RB1CC1: variants seen among roughly 807,000 people sequenced by gnomAD.
RB1CC1 encodes RB1 inducible coiled-coil 1.
Under a neutral mutation model 177.5 loss-of-function variants are expected in RB1CC1, and 46 were observed. That is an observed-to-expected ratio of 0.26 (90% CI 0.20 to 0.33). The LOEUF (loss-of-function observed/expected upper bound fraction) is 0.33. Ranked by LOEUF, RB1CC1 falls within the 10% of genes least tolerant of loss-of-function variation. The probability of loss-of-function intolerance (pLI) is 1.00; values close to 1 mark genes in which losing one functional copy is unlikely to be tolerated. For synonymous variants in RB1CC1, 666 were observed against 613.6 expected (o/e 1.09, Z -1.26); for missense variants, 1,703 against 1,816.3 (o/e 0.94, Z 1.13).
intron 8 of RB1CC1, among the ~76,000 whole-genome samples, chr8:52,666,225 G>A (rs966476612): frequency 6.6e-6 from 1 of 152,088 alleles, no homozygotes; most frequent in Non-Finnish European, 1.5e-5. Flanking sequence ...AGAATTATAA[G>A]AAACACCACC....
chr8:52,634,829 C>T, intron 20 of RB1CC1, 92 bp downstream of exon 20: 1 of 1,083,704 alleles, frequency 9.2e-7, no homozygotes, highest in Non-Finnish European at 1.3e-6. Context: ...TCAATCAAAG[C>T]ATACATCCTC....
chr8:52,679,922 C>A (rs1028662233), intron 5 of RB1CC1, among the ~76,000 whole-genome samples: 1 of 152,078 alleles, frequency 6.6e-6, no homozygotes, highest in African/African-American at 2.4e-5. Context: ...AAATTTTGTC[C>A]AAGGAGAAGG....
At chr8:52,634,456 G>A (rs1013851828) in intron 20 of RB1CC1, among the ~76,000 whole-genome samples, 2 of 151,864 alleles carry the variant, frequency 1.3e-5, no homozygotes, top group South Asian at 4.2e-4. Flanking sequence ...AACCCGGGAG[G>A]TGGAGGTTGC....
chr8:52,650,408 G>C (rs1850466660), intron 15 of RB1CC1, among the ~76,000 whole-genome samples: 1 of 152,134 alleles, frequency 6.6e-6, no homozygotes, highest in South Asian at 2.1e-4. Flanking sequence ...TGGGGGTCTT[G>C]GTAGACAACT....
chr8:52,698,986 C>T (rs958862676), intron 1 of RB1CC1, among the ~76,000 whole-genome samples: 2 of 151,906 alleles, frequency 1.3e-5, no homozygotes, highest in African/African-American at 4.8e-5. Context: ...CCAGCGCACC[C>T]GGCCTTCAAT....
chr8:52,657,421 A>C lies in RB1CC1; in HGVS notation c.2408T>G (p.Val803Gly). Reference protein sequence around the residue: ...SLNVQLERCRVVAQDSHFSIQ... With the variant: ...SLNVQLERCRGVAQDSHFSIQ... Reference sequence around the variant, plus strand: ...ACTGAAGTGAGAGTCTTGGGCAACAACTCTACATCTTTCCAACTGGACATT... The same window carrying C: ...ACTGAAGTGAGAGTCTTGGGCAACACCTCTACATCTTTCCAACTGGACATT... The change falls in exon 15 of 24, where the codon GTT (valine) becomes GGT (glycine). Residue 803 changes from valine (V) to glycine (G), a missense_variant. By Grantham distance (109) the Val-to-Gly change is moderately radical (BLOSUM62 -3). This residue lies in a region of RB1CC1 where 1,169 missense variants were observed against 1,184.7 expected (regional missense o/e 0.99). Transcript: ENST00000025008. 6.2e-7 allele frequency: 1 copy of C among 1,613,752 alleles called. No homozygotes were observed. Among genetic ancestry groups the C allele is most frequent in the South Asian group, 1.1e-5 (1 of 91,070 alleles).
At chr8:52,631,687 G>C (rs113705299) in intron 20 of RB1CC1, among the ~76,000 whole-genome samples, 208 of 152,246 alleles carry the variant, frequency 1.4e-3, no homozygotes, top group Non-Finnish European at 2.1e-3. Flanking sequence ...CTACCTTTAA[G>C]ATCCTGCCTT....
intron 8 of RB1CC1, among the ~76,000 whole-genome samples, chr8:52,663,307 T>C (rs1851786801): frequency 6.6e-6 from 1 of 151,936 alleles, no homozygotes; most frequent in Admixed American, 6.6e-5. Flanking sequence ...AGAGAATGAA[T>C]ATTCAGGGCT....
rs191041854 is a variant in RB1CC1 at position 52,689,942 on chromosome 8, A to G, written c.-166-2975T>C. 1.3e-4 allele frequency among the ~76,000 whole-genome samples: 20 copies of G among 152,302 alleles called. No individual in the cohort carries two copies. The East Asian group carries it at 3.1e-3, about 24-fold the overall frequency. On this transcript the variant is annotated intron_variant, in intron 1 of 23. Coordinates refer to ENST00000025008, the MANE Select transcript of RB1CC1 (RefSeq NM_014781.5). The stretch of plus-strand genomic sequence containing the variant: ...GCCAGACTCTTTCTCAAAAGAAAAA[A>G]AAAAGGCAGTATCTACAGCCAGGGA...
At chr8:52,681,164 G>C (rs1006822106) in intron 5 of RB1CC1, among the ~76,000 whole-genome samples, 5 of 150,624 alleles carry the variant, frequency 3.3e-5, no homozygotes, top group African/African-American at 1.2e-4. Context: ...GCTAATTTTT[G>C]CATTTTTTTT....
chr8:52,648,614 C>A (rs909793025), intron 15 of RB1CC1, among the ~76,000 whole-genome samples: 9 of 152,092 alleles, frequency 5.9e-5, no homozygotes, highest in Non-Finnish European at 1.3e-4. Context: ...TGTTCCGAGA[C>A]CCCCAGTGGA....
At chr8:52,659,329 A>AC (rs1391066786) in intron 12 of RB1CC1, among the ~76,000 whole-genome samples, 26 of 152,252 alleles carry the variant, frequency 1.7e-4, no homozygotes, top group East Asian at 7.7e-4. Flanking sequence ...TATAATATTT[A>AC]CCATGTTAAA....
intron 15 of RB1CC1, 148 bp from the exon 16 acceptor site, chr8:52,646,015 G>A: frequency 1.3e-6 from 1 of 773,792 alleles, no homozygotes; most frequent in South Asian, 1.9e-5. Context: ...AATCTAAAAA[G>A]TAAAGGGAAA....
rs57977265 is a variant in RB1CC1, at chr8:52,630,530, T to TAA, written c.4441-4_4441-3dup. 812 of 1,402,224 alleles carry TAA rather than the reference T, an allele frequency of 5.8e-4. No individual in the cohort carries two copies. The highest frequency in any genetic ancestry group is 2.2e-3 in the South Asian group (154 of 70,886). The allele number at this position is 1,402,224 out of a possible 1,614,324, so 86.9% of individuals were successfully genotyped here. ...TACTGAAGACATGCTCTGAGACATC[T>TAA]AAAAAAAAAAAAAAAGTTTATGAAC... On this transcript the variant is annotated splice_region_variant and splice_polypyrimidine_tract_variant and intron_variant, in intron 20 of 23. Coordinates refer to ENST00000025008, the MANE Select transcript of RB1CC1 (RefSeq NM_014781.5).
chr8:52,712,512 A>AAC (rs1554564097), intron 1 of RB1CC1, among the ~76,000 whole-genome samples: 1 of 151,784 alleles, frequency 6.6e-6, no homozygotes, highest in Non-Finnish European at 1.5e-5. Context: ...AAAAAAAAAA[A>AAC]AAAACTCAGG....
chr8:52,701,832 A>C (rs1856092658), intron 1 of RB1CC1, among the ~76,000 whole-genome samples: 1 of 149,462 alleles, frequency 6.7e-6, no homozygotes, highest in Non-Finnish European at 1.5e-5. Context: ...TTTGAGATGG[A>C]GTCTCACTCT....
At position 52,683,073 on chromosome 8, in the gene RB1CC1, T is replaced by C. The variant is rs1050988953; in HGVS notation, c.369+476A>G. 2.0e-4 allele frequency among the ~76,000 whole-genome samples: 31 copies of C among 152,240 alleles called. 1 individual carries two copies. The highest frequency in any genetic ancestry group is 1.6e-3 in the Admixed American group (24 of 15,294). On this transcript the variant is annotated intron_variant, in intron 5 of 23. Transcript: ENST00000025008. ...GTCAATGATATTACTAGAAGGTAAA[T>C]AGTAAATTAAAAAGGAAAATCAAAT...
intron 20 of RB1CC1, among the ~76,000 whole-genome samples, chr8:52,631,237 C>G (rs1022669614): frequency 2.0e-5 from 3 of 152,158 alleles, no homozygotes; most frequent in Admixed American, 6.5e-5. Flanking sequence ...TCCCAACGAA[C>G]AACAACAAAA....
chr8:52,631,717 C>T (rs553093148), intron 20 of RB1CC1, among the ~76,000 whole-genome samples: 14 of 152,296 alleles, frequency 9.2e-5, no homozygotes, highest in Non-Finnish European at 2.1e-4. Flanking sequence ...ATATGCTCGT[C>T]GGGAAAATTC....
Sources: gnomAD v4.1 joint callset for allele counts (sites outside exome capture counted in the v4.1 genomes callset) on GRCh38, gnomAD v4.1.1 for gene constraint, gnomAD v4.1.1 regional missense constraint, MANE v1.5 for transcripts, NCBI Gene and HGNC (gene_info 2026-07-23, HGNC 2026-07-21) for gene names.